TJP1: variants seen among roughly 807,000 people sequenced by gnomAD.
The protein encoded by TJP1 is tight junction protein 1.
TJP1 carries 43 observed loss-of-function variants against 194.2 expected under a neutral mutation model. The observed-to-expected ratio is 0.22, with a 90% CI of 0.17 to 0.29. The LOEUF (loss-of-function observed/expected upper bound fraction) is 0.29. TJP1 is among the 10% of genes least tolerant of loss of function. The pLI is 1.00. For synonymous variants in TJP1, 801 were observed against 779.0 expected (o/e 1.03, Z -0.47); for missense variants, 1,971 against 2,185.7 (o/e 0.90, Z 1.96).
intron 10 of TJP1, among the ~76,000 whole-genome samples, chr15:29,739,336 T>C (rs894040482): frequency 2.6e-5 from 4 of 152,244 alleles, no homozygotes; most frequent in South Asian, 2.1e-4. Context: ...AATCCATTCA[T>C]TGGCTTTAAA....
In TJP1 at chr15:29,808,378, G is replaced by A. The variant is rs145418462; in HGVS notation, c.28-7676C>T. ...GAAGGGATGGAGGTGGGGGAGCTTC[G>A]GGACGTAAAGTAAATGTTCTTCCTT... On this transcript the variant is annotated intron_variant, in intron 1 of 27. Transcript: ENST00000614355. 2.6e-5 allele frequency among the ~76,000 whole-genome samples: 4 copies of A among 152,276 alleles called. No individual in the cohort carries two copies. The East Asian group carries it at 7.7e-4, about 29-fold the overall frequency.
intron 2 of TJP1, among the ~76,000 whole-genome samples, chr15:29,784,200 G>A (rs1383042428): frequency 6.6e-6 from 1 of 152,074 alleles, no homozygotes; most frequent in African/African-American, 2.4e-5. Flanking sequence ...TTACATCACT[G>A]TAAATATGTG....
At position 29,861,438 on chromosome 15, in the gene TJP1, G is replaced by C. The variant is rs142587577; in HGVS notation, c.307-60736C>G. 4.3e-3 allele frequency among the ~76,000 whole-genome samples: 655 copies of C among 152,270 alleles called. 3 individuals carry two copies. Among genetic ancestry groups the C allele is most frequent in the African/African-American group, 0.015 (615 of 41,546 alleles). ...GGTTGCAATTTTTTGAATTGCAGAC[G>C]TGTGAAAAATCAGACCTTGGTGATG... On this transcript the variant is annotated intron_variant, in intron 2 of 28. Coordinates refer to the TJP1 transcript ENST00000356107.
intron 2 of TJP1, chr15:29,956,124 A>T (rs2152313887): frequency 1.0e-6 from 1 of 997,780 alleles, no homozygotes; most frequent in Non-Finnish European, 1.3e-6. Flanking sequence ...TTCTAAAATT[A>T]AAAAATGCCT....
intron 5 of TJP1, among the ~76,000 whole-genome samples, chr15:29,764,081 G>A (rs998581148): frequency 6.6e-6 from 1 of 152,102 alleles, no homozygotes; most frequent in African/African-American, 2.4e-5. Context: ...CAGGCATTAG[G>A]GAGAAAGCAG....
At chr15:29,825,483 C>G (rs970802349), upstream of TJP1, among the ~76,000 whole-genome samples, 5 of 152,262 alleles carry the variant, frequency 3.3e-5, no homozygotes, top group East Asian at 9.6e-4. Context: ...GTCTGCGGCT[C>G]AGAATGAAAA....
In TJP1 at chr15:29,701,666, T is replaced by C. The variant is rs753443825; in HGVS notation, c.5236A>G (p.Lys1746Glu). 3 of 1,614,148 alleles carry C rather than the reference T, an allele frequency of 1.9e-6. No homozygotes were observed. The South Asian group carries it at 3.3e-5, about 18-fold the overall frequency. The change falls in exon 28 of 28, where the codon AAG (lysine) becomes GAG (glutamate). Residue 1746 changes from lysine (K) to glutamate (E), a missense_variant. Transcript: ENST00000614355. Reference protein sequence around the residue: ...SSGDPKTWQNKCLPGDPNYLV... With the variant: ...SSGDPKTWQNECLPGDPNYLV... ...TAATTTGGATCTCCGGGAAGACACT[T>C]GTTTTGCCAGGTTTTAGGATCACCT... is the stretch of plus-strand genomic sequence containing the variant.
At chr15:29,895,328 G>A (rs1325042531) in intron 2 of TJP1, among the ~76,000 whole-genome samples, 1 of 152,044 alleles carries the variant, frequency 6.6e-6, no homozygotes, top group African/African-American at 2.4e-5. Context: ...CTCAACAGAC[G>A]CCAACCCACA....
Position 29,720,530 on chromosome 15 carries a change from T to A in TJP1, c.2591A>T (p.Asp864Val), listed in dbSNP as rs777708958. ...TDQELDETLN[D>V]EVGTPPESAI... ...AGACTCCGGTGGAGTCCCAACCTCA[T>A]CATTAAGAGTTTCATCTAGTTCTTG... Residue 864 changes from aspartate (D) to valine (V), a missense_variant, in exon 19 of 28, where the codon GAT becomes GTT. By Grantham distance (152) the Asp-to-Val change is radical (BLOSUM62 -3). Transcript: ENST00000614355. 1 of 1,614,038 alleles carries A rather than the reference T, an allele frequency of 6.2e-7. No homozygotes were observed. Among genetic ancestry groups the A allele is most frequent in the Non-Finnish European group, 8.5e-7 (1 of 1,180,016 alleles).
At chr15:29,740,691 T>C (rs891638555) in intron 10 of TJP1, among the ~76,000 whole-genome samples, 2 of 152,070 alleles carry the variant, frequency 1.3e-5, no homozygotes, top group Non-Finnish European at 2.9e-5. Flanking sequence ...GGTTTGAAAT[T>C]TGTTTACAAA....
chr15:29,789,199 G>A lies in TJP1; in HGVS notation c.84+11447C>T, dbSNP rs373641155. 5.9e-5 allele frequency among the ~76,000 whole-genome samples: 9 copies of A among 152,048 alleles called. No homozygotes were observed. In the South Asian group the frequency reaches 6.2e-4, roughly 11 times the overall value. On this transcript the variant is annotated intron_variant, in intron 2 of 27. Transcript: ENST00000614355. ...GGTTTATATTATACTGCTACTGGGC[G>A]GTGCTGTTGTAGACCTCCCAAGAGT...
chr15:29,794,976 A>C (rs551659082), intron 2 of TJP1, among the ~76,000 whole-genome samples: 1 of 152,388 alleles, frequency 6.6e-6, no homozygotes, highest in South Asian at 2.1e-4. Context: ...AGCCAGACTG[A>C]CCAAGAAATA....
At chr15:29,914,524 G>C (rs1381634683) in intron 2 of TJP1, among the ~76,000 whole-genome samples, 1 of 152,122 alleles carries the variant, frequency 6.6e-6, no homozygotes. Flanking sequence ...GGGGCTCTCA[G>C]CTTGTCTGTA....
At chr15:29,709,100 C>A in intron 24 of TJP1, 64 bp from the exon 25 acceptor site, 1 of 1,475,044 alleles carries the variant, frequency 6.8e-7, no homozygotes. Context: ...CCTGTCCCAG[C>A]TTAACTTGTC....
chr15:29,875,071 T>C (rs1454275067), intron 2 of TJP1, among the ~76,000 whole-genome samples: 1 of 152,208 alleles, frequency 6.6e-6, no homozygotes, highest in Admixed American at 6.5e-5. Context: ...TCCTATTACA[T>C]AAAGATTTTT....
rs887848537 is a variant in TJP1, at chr15:29,718,604, A to T, written c.3538T>A (p.Ser1180Thr). ...RLRPEAQPHP[S>T]AGPKPAESKQ... ...GACTCTGCAGGCTTGGGCCCTGCTG[A>T]AGGGTGGGGCTGGGCTTCCGGTCTG... is the stretch of plus-strand genomic sequence containing the variant. Residue 1180 changes from serine (S) to threonine (T), a missense_variant, in exon 21 of 28, where the codon TCA (serine) becomes ACA (threonine). Physicochemically the swap from Ser to Thr is moderately conservative, Grantham distance 58 (BLOSUM62 1). Coordinates refer to ENST00000614355, the MANE Select transcript of TJP1 (RefSeq NM_001330239.4). 1 of 1,613,940 alleles carries T rather than the reference A, an allele frequency of 6.2e-7. No homozygotes were observed. The highest frequency in any genetic ancestry group is 1.3e-5 in the African/African-American group (1 of 74,866).
chr15:29,873,656 G>C (rs898675788), intron 2 of TJP1, among the ~76,000 whole-genome samples: 1 of 152,166 alleles, frequency 6.6e-6, no homozygotes, highest in South Asian at 2.1e-4. Flanking sequence ...TTCAAGCACT[G>C]ACCTCTCCCT....
intron 1 of TJP1, among the ~76,000 whole-genome samples, chr15:29,805,172 C>G (rs1184540554): frequency 6.6e-6 from 1 of 152,206 alleles, no homozygotes; most frequent in Non-Finnish European, 1.5e-5. Flanking sequence ...ATCACAATTT[C>G]TGAAGAAGCA....
intron 2 of TJP1, among the ~76,000 whole-genome samples, chr15:29,901,665 T>C (rs923715705): frequency 6.6e-6 from 1 of 151,844 alleles, no homozygotes; most frequent in African/African-American, 2.4e-5. Context: ...CTACTAAAAA[T>C]ACAAAAATTA....
Sources: allele counts gnomAD v4.1 joint callset (sites outside exome capture counted in the v4.1 genomes callset), GRCh38; gene constraint gnomAD v4.1.1; transcripts MANE v1.5; gene names NCBI Gene and HGNC (gene_info 2026-07-23, HGNC 2026-07-21).